CACNA1A: variants seen among roughly 807,000 people sequenced by gnomAD.
CACNA1A encodes the protein calcium voltage-gated channel subunit alpha1 A, also known as voltage-dependent P/Q-type calcium channel subunit alpha-1A.
CACNA1A carries 57 observed loss-of-function variants against 262.4 expected under a neutral mutation model. The ratio of observed to expected loss-of-function variants is 0.22; its 90% CI spans 0.18 to 0.27. CACNA1A has a LOEUF of 0.27. Among genes scored for constraint, CACNA1A ranks in the 10% least tolerant of loss-of-function variants. CACNA1A has a pLI of 1.00. For synonymous variants in CACNA1A, 1,431 were observed against 1,419.3 expected (o/e 1.01, Z -0.18); for missense variants, 2,526 against 3,562.8 (o/e 0.71, Z 7.41).
At chr19:13,424,109 GA>G (rs1208610386) in intron 3 of CACNA1A, among the ~76,000 whole-genome samples, 5 of 152,140 alleles carry the variant, frequency 3.3e-5, no homozygotes, top group Admixed American at 6.5e-5. Flanking sequence ...AGCACTTTGG[GA>G]GGCCGAGGCT....
rs539852489 is a variant in CACNA1A, at chr19:13,384,848, G to A, written c.540-13069C>T. Among the ~76,000 whole-genome samples, 6 of 152,270 alleles carry A rather than the reference G, an allele frequency of 3.9e-5. No individual in the cohort carries two copies. In the South Asian group the frequency reaches 8.3e-4, roughly 21 times the overall value. ...GCATTTCATACGGCATCAGGGTCAC[G>A]TCAGTCTTGCGGGGGCTGATGGTTG... On this transcript the variant is annotated intron_variant, in intron 3 of 46. Coordinates refer to ENST00000360228, the MANE Select transcript of CACNA1A (RefSeq NM_001127222.2).
At chr19:13,271,214 G>GTTTTTTTTGTTTTTTTTGTTTTTGTTTT (rs2057009117) in intron 24 of CACNA1A, 1 of 80,438 alleles carries the variant, frequency 1.2e-5, no homozygotes, top group African/African-American at 5.3e-5. Flanking sequence ...TCATTCTGCT[G>GTTTTTTTTGTTTTTTTTGTTTTTGTTTT]TTTTTTTTTT....
intron 3 of CACNA1A, among the ~76,000 whole-genome samples, chr19:13,444,199 T>C (rs1012443528): frequency 1.3e-5 from 2 of 152,104 alleles, no homozygotes; most frequent in Non-Finnish European, 2.9e-5. Context: ...CAAAAAGCAT[T>C]TGTGTCACAG....
Position 13,317,337 on chromosome 19 carries a change from T to G in CACNA1A, c.1346-16A>C, listed in dbSNP as rs755251635. On this transcript the variant is annotated splice_polypyrimidine_tract_variant and intron_variant, in intron 10 of 46. Coordinates refer to ENST00000360228, the MANE Select transcript of CACNA1A (RefSeq NM_001127222.2). The stretch of plus-strand genomic sequence containing the variant: ...AAGGGAGAACCTGCCAGGGAAAAGA[T>G]GGAGAATGTCAGGCTCAGGCTGTTC... The G allele has an allele frequency of 6.3e-7, 1 of 1,590,290 alleles. No homozygotes were observed.
chr19:13,230,999 TTTG>T (rs1431860015), intron 35 of CACNA1A, among the ~76,000 whole-genome samples: 4 of 127,720 alleles, frequency 3.1e-5, no homozygotes, highest in Non-Finnish European at 6.7e-5. Flanking sequence ...TTTTTTTTTT[TTTG>T]TTTGTTTTTG....
chr19:13,407,648 G>T (rs8109003), intron 3 of CACNA1A, among the ~76,000 whole-genome samples: 75,809 of 152,086 alleles, frequency 0.5, 21,120 homozygotes, highest in African/African-American at 0.76. Context: ...TGATGGAGAC[G>T]TCCATCAATG....
chr19:13,391,320 T>A (rs956769969), intron 3 of CACNA1A, among the ~76,000 whole-genome samples: 2 of 152,156 alleles, frequency 1.3e-5, no homozygotes, highest in African/African-American at 4.8e-5. Flanking sequence ...TCTCCAGCAT[T>A]TTTTTTCCTT....
intron 30 of CACNA1A, among the ~76,000 whole-genome samples, chr19:13,246,708 C>T (rs1258160969): frequency 2.0e-5 from 3 of 152,094 alleles, no homozygotes; most frequent in East Asian, 1.9e-4. Context: ...TCACTACAAG[C>T]TCTGCCTCCC....
Position 13,236,701 on chromosome 19 carries a change from G to C in CACNA1A, c.4951-971C>G, listed in dbSNP as rs1024464154. On this transcript the variant is annotated intron_variant, in intron 31 of 46. Transcript: ENST00000360228. This position sits in a 1 kb window ranked among gnomAD's most constrained non-coding sequence, Gnocchi z 4.6. ...GGGCCCACCAAGGGGCGGGTGCTGG[G>C]GGCCGGGAGGTGGGGCCATCCCTGC... is the stretch of plus-strand genomic sequence containing the variant. 2 of 152,510 alleles carry C rather than the reference G, an allele frequency of 1.3e-5. No homozygotes were observed. Among genetic ancestry groups the C allele is most frequent in the African/African-American group, 4.8e-5 (2 of 41,420 alleles). 9.4% of individuals were successfully genotyped at this position (152,510 alleles called of 1,614,324 possible).
At chr19:13,439,343 C>T (rs971929391) in intron 3 of CACNA1A, among the ~76,000 whole-genome samples, 7 of 150,944 alleles carry the variant, frequency 4.6e-5, no homozygotes, top group Non-Finnish European at 5.9e-5. Flanking sequence ...TTCCTGACCT[C>T]GTGATTCGTT....
At chr19:13,332,008 C>T (rs1316283241) in intron 9 of CACNA1A, among the ~76,000 whole-genome samples, 1 of 152,232 alleles carries the variant, frequency 6.6e-6, no homozygotes, top group Non-Finnish European at 1.5e-5. Context: ...CATGAAGCCT[C>T]AGGTTGGATA....
At position 13,416,037 on chromosome 19, in the gene CACNA1A, C is replaced by G. The variant is rs193273153; in HGVS notation, c.539+36839G>C. Among the ~76,000 whole-genome samples the G allele has an allele frequency of 1.8e-3, 280 of 152,244 alleles. 2 individuals are homozygous for G. Among genetic ancestry groups the G allele is most frequent in the African/African-American group, 6.6e-3 (274 of 41,540 alleles). On this transcript the variant is annotated intron_variant, in intron 3 of 46. Coordinates refer to ENST00000360228, the MANE Select transcript of CACNA1A (RefSeq NM_001127222.2). ...CCATGCTGTCCAATATGATAGCCAC[C>G]ACCCACAAGGGATGATTAAGCACTT...
intron 11 of CACNA1A, among the ~76,000 whole-genome samples, chr19:13,313,546 A>G (rs1177609439): frequency 1.3e-5 from 2 of 150,084 alleles, no homozygotes; most frequent in African/African-American, 4.9e-5. Context: ...CTACCCTCCA[A>G]CCAACAAGCT....
chr19:13,335,032 C>A (rs201603483), intron 7 of CACNA1A, among the ~76,000 whole-genome samples: 2 of 149,348 alleles, frequency 1.3e-5, no homozygotes, highest in Non-Finnish European at 1.5e-5. Context: ...GACACCGTCT[C>A]AAAAAAAAAC....
chr19:13,276,322 C>A (rs932904223), intron 23 of CACNA1A, among the ~76,000 whole-genome samples: 9 of 152,242 alleles, frequency 5.9e-5, no homozygotes, highest in Non-Finnish European at 1.3e-4. Context: ...TGGTCACCAG[C>A]CTGATCCTGT....
intron 22 of CACNA1A, 102 bp from the exon 23 acceptor site, chr19:13,277,230 G>C (rs2057172473): frequency 1.3e-6 from 1 of 783,738 alleles, no homozygotes. Flanking sequence ...TTTCTACCCA[G>C]AAGAGGAAAC....
At chr19:13,502,157 TAAAAA>T (rs57962801) in intron 1 of CACNA1A, among the ~76,000 whole-genome samples, 27,331 of 138,004 alleles carry the variant, frequency 0.2, 4,691 homozygotes, top group African/African-American at 0.46. Context: ...GAGCTTTTCT[TAAAAA>T]AAAAAAAAAA....
At chr19:13,343,620 T>C (rs2058711799) in intron 6 of CACNA1A, among the ~76,000 whole-genome samples, 1 of 152,148 alleles carries the variant, frequency 6.6e-6, no homozygotes. Context: ...ACTGGAATTC[T>C]GTCAAGCATC....
At chr19:13,383,026 T>C (rs2059549015) in intron 3 of CACNA1A, among the ~76,000 whole-genome samples, 2 of 152,200 alleles carry the variant, frequency 1.3e-5, no homozygotes, top group African/African-American at 4.8e-5. Flanking sequence ...CTCCTGTGAC[T>C]AGTTGGGCGG....
Sources: gnomAD v4.1 joint callset for allele counts (sites outside exome capture counted in the v4.1 genomes callset) on GRCh38, gnomAD v4.1.1 for gene constraint, Gnocchi (gnomAD v3.1) non-coding constraint, MANE v1.5 for transcripts, NCBI Gene and HGNC (gene_info 2026-07-23, HGNC 2026-07-21) for gene names.